AFF3: variants seen among roughly 807,000 people sequenced by gnomAD.
AFF3 encodes ALF transcription elongation factor 3, also known as AF4/FMR2 family member 3.
Under a neutral mutation model 129.7 loss-of-function variants are expected in AFF3, and 32 were observed. That is an observed-to-expected ratio of 0.25 (90% CI 0.19 to 0.33). The LOEUF is 0.33. Among genes scored for constraint, AFF3 ranks in the 10% least tolerant of loss-of-function variants. The pLI, the probability that AFF3 is intolerant of heterozygous loss-of-function variation, is 1.00. For missense variants in AFF3, 1,373 were observed against 1,592.0 expected (o/e 0.86, Z 2.34); for synonymous variants, 644 against 635.4 (o/e 1.01, Z -0.20).
chr2:99,614,813 A>G (rs1190375252), intron 13 of AFF3, among the ~76,000 whole-genome samples: 1 of 152,234 alleles, frequency 6.6e-6, no homozygotes, highest in Non-Finnish European at 1.5e-5. Flanking sequence ...CTTCTCTTGT[A>G]GATGAACCAA....
chr2:99,628,350 C>T (rs1439639954), intron 13 of AFF3, among the ~76,000 whole-genome samples: 1 of 152,026 alleles, frequency 6.6e-6, no homozygotes, highest in African/African-American at 2.4e-5. Flanking sequence ...CATGATTTGG[C>T]TCTCTGCTTG....
chr2:99,591,597 T>C (rs954137392), intron 15 of AFF3, among the ~76,000 whole-genome samples: 4 of 152,182 alleles, frequency 2.6e-5, no homozygotes, highest in Non-Finnish European at 5.9e-5. Context: ...AAGCAAGAAA[T>C]ATATTCATCG....
At chr2:99,592,658 G>A (rs532036151) in intron 15 of AFF3, among the ~76,000 whole-genome samples, 17 of 152,334 alleles carry the variant, frequency 1.1e-4, no homozygotes, top group Admixed American at 7.8e-4. Context: ...AATAGGCTGG[G>A]CGTGGTGGCT....
Position 99,545,780 on chromosome 2 carries a change from C to T in AFF3, c.*5694G>A, listed in dbSNP as rs377212975. On this transcript the variant is annotated 3_prime_UTR_variant, in exon 25 of 25. Coordinates refer to ENST00000672756, the MANE Select transcript of AFF3 (RefSeq NM_001386135.1). The stretch of plus-strand genomic sequence containing the variant: ...GAGTAAGAGCTGTGAACCTAAATCC[C>T]CTTGCAGCCAACACAAAATTTACCC... 5.7e-6 allele frequency: 1 copy of T among 176,904 alleles called. No individual in the cohort carries two copies. The highest frequency in any genetic ancestry group is 2.0e-4 in the South Asian group (1 of 5,036). 11.0% of individuals were successfully genotyped at this position (176,904 alleles called of 1,614,324 possible).
intron 7 of AFF3, among the ~76,000 whole-genome samples, chr2:99,855,075 G>C (rs1690425598): frequency 1.3e-5 from 2 of 152,010 alleles, no homozygotes; most frequent in Non-Finnish European, 2.9e-5. Context: ...AAATCTCAAT[G>C]ATTTTGGGGT....
At chr2:99,654,712 T>A (rs2105685280) in intron 12 of AFF3, among the ~76,000 whole-genome samples, 1 of 152,354 alleles carries the variant, frequency 6.6e-6, no homozygotes, top group East Asian at 1.9e-4. Flanking sequence ...AGTTCATTAT[T>A]CATTACGAAT....
chr2:99,890,662 T>C (rs1474011937), intron 7 of AFF3, among the ~76,000 whole-genome samples: 1 of 152,074 alleles, frequency 6.6e-6, no homozygotes, highest in African/African-American at 2.4e-5. Context: ...TACCCCTCCG[T>C]GCCCCTGTCC....
intron 7 of AFF3, among the ~76,000 whole-genome samples, chr2:99,946,195 G>A (rs1408618277): frequency 6.6e-6 from 1 of 151,738 alleles, no homozygotes; most frequent in Non-Finnish European, 1.5e-5. Context: ...GGATGGGACA[G>A]GGTGTGGTGG....
chr2:100,001,505 C>A (rs72955712), intron 7 of AFF3, among the ~76,000 whole-genome samples: 1 of 152,178 alleles, frequency 6.6e-6, no homozygotes, highest in African/African-American at 2.4e-5. Flanking sequence ...CTCGTCTCAC[C>A]GCAATTTCTG....
chr2:99,934,732 G>C (rs1301744870), intron 7 of AFF3, among the ~76,000 whole-genome samples: 1 of 152,176 alleles, frequency 6.6e-6, no homozygotes, highest in Non-Finnish European at 1.5e-5. Flanking sequence ...AACCCCCTGG[G>C]CAGGAGGACC....
intron 7 of AFF3, among the ~76,000 whole-genome samples, chr2:99,964,324 C>A (rs772923090): frequency 3.3e-5 from 5 of 152,052 alleles, no homozygotes; most frequent in Non-Finnish European, 7.4e-5. Context: ...GTTCATGGAA[C>A]GAATGTTCAT....
chr2:99,747,925 T>C lies in AFF3; in HGVS notation c.1003-3785A>G, dbSNP rs772589637. Reference sequence around the variant, plus strand: ...CTCTGCGGGTACAAATAATGTCCCATTATCATTCTTACCGGCATTTGGCCA... The same window carrying C: ...CTCTGCGGGTACAAATAATGTCCCACTATCATTCTTACCGGCATTTGGCCA... On this transcript the variant is annotated intron_variant, in intron 9 of 24. Coordinates refer to ENST00000672756, the MANE Select transcript of AFF3 (RefSeq NM_001386135.1). 4.4e-4 allele frequency among the ~76,000 whole-genome samples: 67 copies of C among 152,154 alleles called. 2 individuals carry two copies. The highest frequency in any genetic ancestry group is 2.1e-4 in the South Asian group (1 of 4,828).
intron 13 of AFF3, among the ~76,000 whole-genome samples, chr2:99,619,271 A>T (rs1019897845): frequency 2.0e-5 from 3 of 152,250 alleles, no homozygotes; most frequent in Non-Finnish European, 2.9e-5. Flanking sequence ...TTTAATTTGC[A>T]TCTCACCAAG....
chr2:99,865,880 T>C (rs1691352434), intron 7 of AFF3, among the ~76,000 whole-genome samples: 1 of 152,244 alleles, frequency 6.6e-6, no homozygotes, highest in African/African-American at 2.4e-5. Flanking sequence ...AGTTATTCTA[T>C]AAGCCTATTA....
At chr2:99,924,289 T>C (rs1370433932) in intron 7 of AFF3, among the ~76,000 whole-genome samples, 1 of 152,220 alleles carries the variant, frequency 6.6e-6, no homozygotes, top group Non-Finnish European at 1.5e-5. Context: ...GACAACAATG[T>C]ATATCCTCTC....
intron 13 of AFF3, among the ~76,000 whole-genome samples, chr2:99,642,548 T>C (rs554095522): frequency 6.6e-6 from 1 of 152,342 alleles, no homozygotes; most frequent in Admixed American, 6.5e-5. Context: ...CCACAAAGCA[T>C]TGGTCTAGCT....
At chr2:99,788,122 C>A (rs554495739) in intron 8 of AFF3, among the ~76,000 whole-genome samples, 19 of 152,180 alleles carry the variant, frequency 1.2e-4, no homozygotes, top group African/African-American at 4.6e-4. Flanking sequence ...ATGGCACATA[C>A]AAAATTATGT....
At chr2:99,968,147 C>T (rs1212077794) in intron 7 of AFF3, among the ~76,000 whole-genome samples, 1 of 152,200 alleles carries the variant, frequency 6.6e-6, no homozygotes, top group East Asian at 1.9e-4. Context: ...AAGCCCCTTC[C>T]CAGCTCCCCT....
intron 11 of AFF3, among the ~76,000 whole-genome samples, chr2:99,675,758 G>A (rs1687548906): frequency 6.6e-6 from 1 of 152,204 alleles, no homozygotes. Context: ...CCAGCAGACA[G>A]CAGGCATGGC....
Sources: allele counts gnomAD v4.1 joint callset (sites outside exome capture counted in the v4.1 genomes callset), GRCh38; gene constraint gnomAD v4.1.1; transcripts MANE v1.5; gene names NCBI Gene and HGNC (gene_info 2026-07-23, HGNC 2026-07-21).